The following CNTN3 variants were observed in gnomAD, a reference collection of about 807,000 sequenced individuals.
CNTN3 encodes contactin 3.
CNTN3 carries 60 observed loss-of-function variants against 119.1 expected under a neutral mutation model. The ratio of observed to expected loss-of-function variants is 0.50; its 90% CI spans 0.41 to 0.62. CNTN3 has a LOEUF of 0.62. CNTN3 is among the 20% of genes least tolerant of loss of function. CNTN3 has a pLI of 0.00. For synonymous variants in CNTN3, 450 were observed against 438.7 expected, an observed-to-expected ratio of 1.03 and a Z score of -0.32; for missense variants, 1,101 against 1,242.4, an observed-to-expected ratio of 0.89 and a Z score of 1.71.
At chr3:74,534,633 C>G (rs1703738063) in intron 1 of CNTN3, among the ~76,000 whole-genome samples, 2 of 151,954 alleles carry the variant, frequency 1.3e-5, no homozygotes, top group Non-Finnish European at 2.9e-5. Context: ...TGAGTTAGCA[C>G]TGCTTTGTAA....
intron 1 of CNTN3, among the ~76,000 whole-genome samples, chr3:74,612,048 A>C (rs1195769765): frequency 6.6e-6 from 1 of 152,242 alleles, no homozygotes; most frequent in African/African-American, 2.4e-5. Flanking sequence ...CAGATCTGAC[A>C]GTTTGGAAGC....
intron 20 of CNTN3, among the ~76,000 whole-genome samples, chr3:74,269,279 T>G (rs765960644): frequency 1.7e-4 from 26 of 152,052 alleles, no homozygotes; most frequent in Admixed American, 1.4e-3. Flanking sequence ...TTTTGGGCAC[T>G]CTCTAAAATA....
intron 4 of CNTN3, among the ~76,000 whole-genome samples, chr3:74,428,884 T>C (rs888985822): frequency 6.6e-6 from 1 of 152,150 alleles, no homozygotes; most frequent in Non-Finnish European, 1.5e-5. Context: ...TGCTTAGATA[T>C]TTTCAGAAAC....
chr3:74,496,357 T>C (rs1468337455), intron 3 of CNTN3, among the ~76,000 whole-genome samples: 1 of 152,258 alleles, frequency 6.6e-6, no homozygotes, highest in Non-Finnish European at 1.5e-5. Context: ...CCAGGATTCC[T>C]AGATGGTAAC....
At chr3:74,575,261 A>AT (rs1055515955) in intron 1 of CNTN3, among the ~76,000 whole-genome samples, 1 of 151,402 alleles carries the variant, frequency 6.6e-6, no homozygotes, top group South Asian at 2.1e-4. Context: ...TTAGATTAAT[A>AT]TTTTTTTTGA....
At chr3:74,346,712 C>T (rs1703696728) in intron 11 of CNTN3, among the ~76,000 whole-genome samples, 1 of 151,660 alleles carries the variant, frequency 6.6e-6, no homozygotes, top group African/African-American at 2.4e-5. Context: ...GGAAACGGCA[C>T]TTCACTCGAC....
chr3:74,608,398 T>C (rs1705027667), intron 1 of CNTN3, among the ~76,000 whole-genome samples: 1 of 152,176 alleles, frequency 6.6e-6, no homozygotes, highest in Non-Finnish European at 1.5e-5. Context: ...GATGCAGTCA[T>C]TTAGTTATTT....
At chr3:74,381,544 T>C (rs1704624716) in intron 5 of CNTN3, among the ~76,000 whole-genome samples, 1 of 152,154 alleles carries the variant, frequency 6.6e-6, no homozygotes, top group Non-Finnish European at 1.5e-5. Context: ...GATAGTAGTT[T>C]TATAGGCTTT....
At chr3:74,508,734 T>G (rs1703310877) in intron 2 of CNTN3, among the ~76,000 whole-genome samples, 1 of 152,182 alleles carries the variant, frequency 6.6e-6, no homozygotes, top group Non-Finnish European at 1.5e-5. Context: ...AGACATAAAC[T>G]ACTACTATGT....
At chr3:74,469,712 G>C (rs1702526072) in intron 4 of CNTN3, among the ~76,000 whole-genome samples, 1 of 152,168 alleles carries the variant, frequency 6.6e-6, no homozygotes, top group African/African-American at 2.4e-5. Flanking sequence ...ATGTTGGCTA[G>C]AATGTGGAGG....
At position 74,382,968 on chromosome 3, in the gene CNTN3, T is replaced by A. The variant is rs566493188; in HGVS notation, c.455-11569A>T. Among the ~76,000 whole-genome samples, 4 of 152,362 alleles carry A rather than the reference T, an allele frequency of 2.6e-5. No individual in the cohort carries two copies. In the South Asian group the frequency reaches 8.3e-4, roughly 32 times the overall value. On this transcript the variant is annotated intron_variant, in intron 5 of 22. Transcript: ENST00000263665. ...TTGATACTTTCCTATCAATTGCCCC[T>A]TCTTTACAGTATACATCAATGCAAT...
At chr3:74,500,321 T>C (rs945950593) in intron 2 of CNTN3, among the ~76,000 whole-genome samples, 3 of 152,014 alleles carry the variant, frequency 2.0e-5, no homozygotes, top group African/African-American at 7.2e-5. Flanking sequence ...TTTTTAAAGA[T>C]GTTTCTACTT....
At chr3:74,353,616 C>T (rs1377672217) in intron 11 of CNTN3, among the ~76,000 whole-genome samples, 1 of 151,874 alleles carries the variant, frequency 6.6e-6, no homozygotes, top group African/African-American at 2.4e-5. Context: ...ATTAGCCGGG[C>T]GTGGTGGCAG....
At chr3:74,595,295 T>G (rs1284190045) in intron 1 of CNTN3, among the ~76,000 whole-genome samples, 60 of 151,650 alleles carry the variant, frequency 4.0e-4, no homozygotes, top group East Asian at 3.1e-3. Context: ...CTCTTTAGTT[T>G]AATTAGATCC....
chr3:74,554,722 T>C (rs1704043534), intron 1 of CNTN3, among the ~76,000 whole-genome samples: 1 of 152,122 alleles, frequency 6.6e-6, no homozygotes, highest in Non-Finnish European at 1.5e-5. Context: ...CTGCCTGTTA[T>C]TGGTGTATAG....
intron 5 of CNTN3, among the ~76,000 whole-genome samples, chr3:74,378,218 T>A (rs532909208): frequency 6.6e-5 from 10 of 152,212 alleles, no homozygotes; most frequent in Non-Finnish European, 8.8e-5. Flanking sequence ...CAGTATGTAC[T>A]CAATGATCTA....
At chr3:74,600,258 A>G (rs1704887861) in intron 1 of CNTN3, among the ~76,000 whole-genome samples, 1 of 152,106 alleles carries the variant, frequency 6.6e-6, no homozygotes, top group African/African-American at 2.4e-5. Flanking sequence ...CTCAATTTCA[A>G]CCCTATAGAT....
chr3:74,282,227 A>T (rs982181651), intron 20 of CNTN3, among the ~76,000 whole-genome samples: 1 of 151,988 alleles, frequency 6.6e-6, no homozygotes, highest in African/African-American at 2.4e-5. Context: ...TGTTTAATGG[A>T]AGCTACAGTA....
intron 19 of CNTN3, among the ~76,000 whole-genome samples, chr3:74,289,151 T>G (rs1413534598): frequency 6.6e-6 from 1 of 152,224 alleles, no homozygotes; most frequent in Non-Finnish European, 1.5e-5. Context: ...CCAAGGTTAA[T>G]TTTTAAATCA....
Sources: gnomAD v4.1 joint callset for allele counts (sites outside exome capture counted in the v4.1 genomes callset) on GRCh38, gnomAD v4.1.1 for gene constraint, MANE v1.5 for transcripts, NCBI Gene and HGNC (gene_info 2026-07-23, HGNC 2026-07-21) for gene names.